Variants in RFX3 observed in about 807,000 individuals in gnomAD.
RFX3 encodes the protein regulatory factor X3, also known as transcription factor RFX3.
RFX3 carries 14 observed loss-of-function variants against 98.6 expected under a neutral mutation model. That is an observed-to-expected ratio of 0.14 (90% CI 0.09 to 0.22). The LOEUF (loss-of-function observed/expected upper bound fraction) is 0.22, where lower values mean the gene tolerates loss of function less well. Ranked by LOEUF, RFX3 falls within the 10% of genes least tolerant of loss-of-function variation. The pLI is 1.00. For synonymous variants in RFX3, 383 were observed against 328.4 expected (o/e 1.17, Z -1.80); for missense variants, 639 against 926.9 (o/e 0.69, Z 4.03).
In RFX3 at chr9:3,512,734, C is replaced by T. The variant is rs138906861; in HGVS notation, c.-9+13013G>A. Among the ~76,000 whole-genome samples, 475 of 152,082 alleles carry T rather than the reference C, an allele frequency of 3.1e-3. 1 individual carries two copies. The highest frequency in any genetic ancestry group is 5.6e-3 in the Non-Finnish European group (382 of 67,866). On this transcript the variant is annotated intron_variant, in intron 1 of 16. Coordinates refer to ENST00000617270, the MANE Select transcript of RFX3 (RefSeq NM_001282116.2). Reference sequence around the variant, plus strand: ...AAAGAGGCTAAGTACAATCTTTTTCCTTGGGTCCTCCCATTAGGTAAAAAT... The same window carrying T: ...AAAGAGGCTAAGTACAATCTTTTTCTTTGGGTCCTCCCATTAGGTAAAAAT...
At chr9:3,299,734 T>C (rs866901971) in intron 5 of RFX3, among the ~76,000 whole-genome samples, 1 of 151,792 alleles carries the variant, frequency 6.6e-6, no homozygotes, top group Non-Finnish European at 1.5e-5. Context: ...CTTTCATGAA[T>C]TCTATAAAGA....
At chr9:3,376,523 A>G (rs1220407202) in intron 2 of RFX3, among the ~76,000 whole-genome samples, 1 of 152,206 alleles carries the variant, frequency 6.6e-6, no homozygotes, top group Non-Finnish European at 1.5e-5. Context: ...CTCCCAAAAC[A>G]TTATGATGAG....
intron 1 of RFX3, among the ~76,000 whole-genome samples, chr9:3,504,880 TATATATAATATA>T (rs1816671745): frequency 1.4e-5 from 1 of 71,384 alleles, no homozygotes; most frequent in African/African-American, 7.7e-5. Flanking sequence ...TTATATATAT[TATATATAATATA>T]ACATATATTA....
In RFX3 at chr9:3,244,926, C is replaced by T. The variant is rs139600370; in HGVS notation, c.1968+3106G>A. Among the ~76,000 whole-genome samples, 10 of 152,170 alleles carry T rather than the reference C, an allele frequency of 6.6e-5. No individual in the cohort carries two copies. The East Asian group carries it at 9.6e-4, about 15-fold the overall frequency. ...TGATAGCTTTGGCATAGAGTATCTG[C>T]ACAATAAAAACTTGTTAATAAATGA... On this transcript the variant is annotated intron_variant, in intron 15 of 16. Transcript: ENST00000617270.
At chr9:3,255,621 T>C (rs1278378684) in intron 14 of RFX3, among the ~76,000 whole-genome samples, 2 of 152,198 alleles carry the variant, frequency 1.3e-5, no homozygotes, top group African/African-American at 4.8e-5. Flanking sequence ...AAAAATATAA[T>C]TTACCCAACT....
Position 3,219,973 on chromosome 9 carries a change from A to T in RFX3, c.*5069T>A, listed in dbSNP as rs1351727721. 10 of 152,214 alleles carry T rather than the reference A, an allele frequency of 6.6e-5. No individual in the cohort carries two copies. 9.4% of individuals were successfully genotyped at this position (152,214 alleles called of 1,614,324 possible). A position where few individuals can be genotyped will look rare whatever the true frequency, so the allele number is the denominator to read the frequency against. On this transcript the variant is annotated 3_prime_UTR_variant, in exon 17 of 17. Coordinates refer to ENST00000617270, the MANE Select transcript of RFX3 (RefSeq NM_001282116.2). ...GATCACGCAGGGAACAGAGGGAATCAAGTGCACGAAGAGATTCCCTTGAAC... is the reference window on the plus strand; with the variant it reads ...GATCACGCAGGGAACAGAGGGAATCTAGTGCACGAAGAGATTCCCTTGAAC...
chr9:3,229,349 A>G (rs1024607702), intron 15 of RFX3, among the ~76,000 whole-genome samples: 4 of 152,198 alleles, frequency 2.6e-5, no homozygotes, highest in African/African-American at 9.6e-5. Context: ...CTCTATTTTT[A>G]AAGCTTTTAT....
At chr9:3,434,645 C>G (rs1272080549) in intron 1 of RFX3, among the ~76,000 whole-genome samples, 1 of 152,078 alleles carries the variant, frequency 6.6e-6, no homozygotes, top group Non-Finnish European at 1.5e-5. Flanking sequence ...ATAAACGTCA[C>G]CTCTTTAGAA....
In RFX3 at chr9:3,224,883, G is replaced by T; in HGVS notation, c.*159C>A. ...TGTTTACGTTAAAAAAAAAGATCTG[G>T]CAAAATACATACACCCATTCCATTT... On this transcript the variant is annotated 3_prime_UTR_variant, in exon 17 of 17. Coordinates refer to ENST00000617270, the MANE Select transcript of RFX3 (RefSeq NM_001282116.2). 1 of 624,952 alleles carries T rather than the reference G, an allele frequency of 1.6e-6. No homozygotes were observed. Among genetic ancestry groups the T allele is most frequent in the South Asian group, 2.8e-5 (1 of 35,410 alleles). 38.7% of individuals were successfully genotyped at this position (624,952 alleles called of 1,614,324 possible). A position where few individuals can be genotyped will look rare whatever the true frequency, so the allele number is the denominator to read the frequency against.
intron 1 of RFX3, among the ~76,000 whole-genome samples, chr9:3,410,647 C>G (rs1245201196): frequency 6.6e-6 from 1 of 152,170 alleles, no homozygotes; most frequent in Non-Finnish European, 1.5e-5. Context: ...GCACTTTTCA[C>G]TGTCAAACAG....
At chr9:3,300,659 G>C (rs1828542687) in intron 5 of RFX3, among the ~76,000 whole-genome samples, 1 of 151,838 alleles carries the variant, frequency 6.6e-6, no homozygotes, top group Admixed American at 6.6e-5. Flanking sequence ...CAAATTGTCA[G>C]TTGTGGGAGA....
intron 2 of RFX3, among the ~76,000 whole-genome samples, chr9:3,392,970 T>G (rs1302971365): frequency 6.9e-6 from 1 of 145,566 alleles, no homozygotes; most frequent in East Asian, 2.0e-4. Flanking sequence ...AACTTATAGG[T>G]TGAGACATGA....
At chr9:3,287,267 C>G (rs1826743386) in intron 7 of RFX3, among the ~76,000 whole-genome samples, 1 of 152,026 alleles carries the variant, frequency 6.6e-6, no homozygotes. Flanking sequence ...CACTACAGAT[C>G]ATTACACTGG....
At chr9:3,397,633 C>G (rs1841029785) in intron 1 of RFX3, among the ~76,000 whole-genome samples, 1 of 152,098 alleles carries the variant, frequency 6.6e-6, no homozygotes, top group African/African-American at 2.4e-5. Flanking sequence ...TGGGACTGGG[C>G]TTTTTCACTT....
intron 1 of RFX3, among the ~76,000 whole-genome samples, chr9:3,399,175 C>T (rs1473939856): frequency 6.6e-6 from 1 of 151,666 alleles, no homozygotes; most frequent in African/African-American, 2.4e-5. Flanking sequence ...TGGTTCATGC[C>T]TGTAATCCCA....
intron 3 of RFX3, among the ~76,000 whole-genome samples, chr9:3,344,261 A>C (rs1157189464): frequency 6.6e-6 from 1 of 152,216 alleles, no homozygotes; most frequent in Non-Finnish European, 1.5e-5. Flanking sequence ...AACTGAGGTT[A>C]CAGTTTGAGT....
At chr9:3,367,197 G>A (rs1837311634) in intron 2 of RFX3, among the ~76,000 whole-genome samples, 1 of 152,122 alleles carries the variant, frequency 6.6e-6, no homozygotes, top group East Asian at 1.9e-4. Flanking sequence ...CTTAAAAGCG[G>A]AGTGCTTCTC....
chr9:3,423,143 A>C (rs1843599853), intron 1 of RFX3, among the ~76,000 whole-genome samples: 1 of 152,214 alleles, frequency 6.6e-6, no homozygotes, highest in Admixed American at 6.5e-5. Context: ...TTCAACTTTA[A>C]AACAATGAGT....
intron 1 of RFX3, among the ~76,000 whole-genome samples, chr9:3,476,567 AT>A (rs1313141333): frequency 2.0e-5 from 3 of 152,224 alleles, no homozygotes; most frequent in Admixed American, 6.5e-5. Context: ...ACAGCACCTT[AT>A]CTCTGCCTTA....
Sources: gnomAD v4.1 joint callset for allele counts (sites outside exome capture counted in the v4.1 genomes callset) on GRCh38, gnomAD v4.1.1 for gene constraint, MANE v1.5 for transcripts, NCBI Gene and HGNC (gene_info 2026-07-23, HGNC 2026-07-21) for gene names.